THSD7A: variants seen among roughly 807,000 people sequenced by gnomAD.
THSD7A encodes the protein thrombospondin type 1 domain containing 7A, also known as thrombospondin type-1 domain-containing protein 7A.
THSD7A carries 96 observed loss-of-function variants against 231.3 expected under a neutral mutation model. The ratio of observed to expected loss-of-function variants is 0.41; its 90% confidence interval spans 0.35 to 0.49. The LOEUF (loss-of-function observed/expected upper bound fraction) is 0.49. Among genes scored for constraint, THSD7A ranks in the 20% least tolerant of loss-of-function variants. The probability of loss-of-function intolerance (pLI) is 0.05; values close to 1 mark genes in which losing one functional copy is unlikely to be tolerated. For synonymous variants in THSD7A, 940 were observed against 743.3 expected (o/e 1.26, Z -4.30); for missense variants, 2,290 against 2,070.2 (o/e 1.11, Z -2.06).
intron 6 of THSD7A, among the ~76,000 whole-genome samples, chr7:11,513,416 T>C (rs1787900884): frequency 6.6e-6 from 1 of 151,910 alleles, no homozygotes; most frequent in African/African-American, 2.4e-5. Context: ...CATCAACAAA[T>C]GAATGAATAA....
chr7:11,544,265 C>T (rs773824716), intron 4 of THSD7A, among the ~76,000 whole-genome samples: 1 of 152,114 alleles, frequency 6.6e-6, no homozygotes, highest in Non-Finnish European at 1.5e-5. Context: ...TCACTTGAAC[C>T]TGGGAGGCAG....
intron 1 of THSD7A, among the ~76,000 whole-genome samples, chr7:11,788,952 C>T (rs1393331093): frequency 1.3e-5 from 2 of 151,736 alleles, no homozygotes; most frequent in Admixed American, 6.6e-5. Flanking sequence ...CAAGCAGTTA[C>T]ATAAACAAGT....
intron 6 of THSD7A, among the ~76,000 whole-genome samples, chr7:11,493,895 T>A (rs1052171724): frequency 3.3e-5 from 5 of 151,992 alleles, no homozygotes; most frequent in Non-Finnish European, 7.4e-5. Context: ...TAAGGTATTT[T>A]GACGAGTGTT....
chr7:11,602,729 G>A (rs1166503492), intron 2 of THSD7A, among the ~76,000 whole-genome samples: 1 of 151,714 alleles, frequency 6.6e-6, no homozygotes, highest in Non-Finnish European at 1.5e-5. Flanking sequence ...ACCTCCTGTG[G>A]GTGATAATGC....
rs536177295 is a variant in THSD7A, at chr7:11,831,843, A to AGCAGCGGCAGCGGCAGCGGCAGCG, written c.80_103dup (p.Pro27_Leu34dup). 11 of 1,359,986 alleles carry AGCAGCGGCAGCGGCAGCGGCAGCG rather than the reference A, an allele frequency of 8.1e-6. 1 individual carries two copies. In the East Asian group the frequency reaches 2.9e-4, roughly 36 times the overall value. 84.2% of individuals were successfully genotyped at this position (1,359,986 alleles called of 1,614,324 possible). On this transcript the variant is annotated inframe_insertion, in exon 1 of 28. Coordinates refer to ENST00000423059, the MANE Select transcript of THSD7A (RefSeq NM_015204.3). This position sits in a 1 kb window ranked among gnomAD's most constrained non-coding sequence, Gnocchi z 5.0. ...GCCCGGGCGTAGCAGCAGCAGCAGG[A>AGCAGCGGCAGCGGCAGCGGCAGCG]GCAGCGGCAGCGGCAGCGGCAGCGG...
chr7:11,523,871 T>C (rs1401912692), intron 6 of THSD7A, among the ~76,000 whole-genome samples: 3 of 152,168 alleles, frequency 2.0e-5, no homozygotes, highest in Non-Finnish European at 4.4e-5. Context: ...TTAGTACATA[T>C]TGTACACAAT....
At position 11,706,630 on chromosome 7, in the gene THSD7A, C is replaced by CTTT. The variant is rs66964252; in HGVS notation, c.191-69672_191-69670dup. ...ATTGACTAAAAATTTTAACAAGGTG[C>CTTT]TTTTTTTTTTTTTTTTTTTTTTTTT... On this transcript the variant is annotated intron_variant, in intron 1 of 27. Coordinates refer to ENST00000423059, the MANE Select transcript of THSD7A (RefSeq NM_015204.3). 8.6e-3 allele frequency among the ~76,000 whole-genome samples: 574 copies of CTTT among 66,368 alleles called. 29 individuals carry two copies. Among genetic ancestry groups the CTTT allele is most frequent in the African/African-American group, 0.033 (525 of 16,096 alleles). 43.5% of individuals were successfully genotyped at this position (66,368 alleles called of 152,430 possible).
At chr7:11,771,592 C>T (rs1411634193) in intron 1 of THSD7A, among the ~76,000 whole-genome samples, 1 of 151,870 alleles carries the variant, frequency 6.6e-6, no homozygotes, top group African/African-American at 2.4e-5. Flanking sequence ...TATATACATA[C>T]CAGGTTTTTT....
intron 1 of THSD7A, among the ~76,000 whole-genome samples, chr7:11,771,170 C>G (rs1014636183): frequency 6.6e-6 from 1 of 150,710 alleles, no homozygotes; most frequent in African/African-American, 2.4e-5. Flanking sequence ...AATAAAGAAT[C>G]CCATAGATAT....
chr7:11,820,437 T>C (rs1450094706), intron 1 of THSD7A: 2 of 1,321,894 alleles, frequency 1.5e-6, no homozygotes, highest in African/African-American at 3.0e-5. Context: ...GGCTGGTGCT[T>C]GATTTCCAGA....
rs192261121 is a variant in THSD7A, at chr7:11,404,904, A to C, written c.4237+1396T>G. Among the ~76,000 whole-genome samples the C allele has an allele frequency of 3.3e-5, 5 of 152,290 alleles. No homozygotes were observed. The East Asian group carries it at 7.7e-4, about 23-fold the overall frequency. ...GATCTCTAGAACTTATTCACCTTGC[A>C]TAGCTGAACCTTTACACTCATTGAG... is the stretch of plus-strand genomic sequence containing the variant. On this transcript the variant is annotated intron_variant, in intron 22 of 27. Coordinates refer to ENST00000423059, the MANE Select transcript of THSD7A (RefSeq NM_015204.3).
At chr7:11,430,697 C>T (rs1784454862) in intron 13 of THSD7A, among the ~76,000 whole-genome samples, 1 of 152,088 alleles carries the variant, frequency 6.6e-6, no homozygotes, top group South Asian at 2.1e-4. Context: ...TGGTCTGGAA[C>T]TTCTGGCCTC....
At position 11,539,799 on chromosome 7, in the gene THSD7A, G is replaced by A. The variant is rs550759022; in HGVS notation, c.1822+1620C>T. Among the ~76,000 whole-genome samples the A allele has an allele frequency of 5.7e-4, 87 of 152,308 alleles. 3 individuals carry two copies. In the South Asian group the frequency reaches 0.017, roughly 30 times the overall value. On this transcript the variant is annotated intron_variant, in intron 6 of 27. Transcript: ENST00000423059. ...TTTTTCATTGCATAACACTGAGGCAGAAGTGCCATGCAAAGTTAACTTTTT... is the reference window on the plus strand; with the variant it reads ...TTTTTCATTGCATAACACTGAGGCAAAAGTGCCATGCAAAGTTAACTTTTT...
rs546982388 is a variant in THSD7A, at chr7:11,717,757, A to G, written c.191-80796T>C. On this transcript the variant is annotated intron_variant, in intron 1 of 27. Transcript: ENST00000423059. ...TGATTCTTGTCTCTTGCTTGGTTCCAAACTAAGAAGTAGATATGAAGTATT... is the reference window on the plus strand; with the variant it reads ...TGATTCTTGTCTCTTGCTTGGTTCCGAACTAAGAAGTAGATATGAAGTATT... Among the ~76,000 whole-genome samples the G allele has an allele frequency of 2.6e-5, 4 of 151,766 alleles. No individual in the cohort carries two copies. The South Asian group carries it at 8.3e-4, about 31-fold the overall frequency.
At chr7:11,825,755 A>G (rs1425588761) in intron 1 of THSD7A, among the ~76,000 whole-genome samples, 4 of 152,216 alleles carry the variant, frequency 2.6e-5, no homozygotes, top group African/African-American at 9.6e-5. Context: ...TTTAGGAAAC[A>G]TGAATAGAGT....
chr7:11,651,296 A>ATC (rs1782491846), intron 1 of THSD7A, among the ~76,000 whole-genome samples: 1 of 152,006 alleles, frequency 6.6e-6, no homozygotes, highest in African/African-American at 2.4e-5. Flanking sequence ...AGGATATGGG[A>ATC]AAGTATTGGT....
At position 11,386,593 on chromosome 7, in the gene THSD7A, G is replaced by A. The variant is rs188467082; in HGVS notation, c.4412-3977C>T. Among the ~76,000 whole-genome samples, 4 of 152,188 alleles carry A rather than the reference G, an allele frequency of 2.6e-5. No individual in the cohort carries two copies. The East Asian group carries it at 7.7e-4, about 29-fold the overall frequency. On this transcript the variant is annotated intron_variant, in intron 23 of 27. Coordinates refer to ENST00000423059, the MANE Select transcript of THSD7A (RefSeq NM_015204.3). The stretch of plus-strand genomic sequence containing the variant: ...TCTTGCAAATTTGTTTAAGTTCTTT[G>A]TAGATTCTGGATATTAGCCCTTTGT...
chr7:11,468,048 A>T (rs1206534342), intron 9 of THSD7A, among the ~76,000 whole-genome samples: 1 of 152,112 alleles, frequency 6.6e-6, no homozygotes, highest in Non-Finnish European at 1.5e-5. Context: ...AGTAATTTAC[A>T]CAATACAAGA....
chr7:11,488,193 A>G lies in THSD7A; in HGVS notation c.1823-6211T>C, dbSNP rs188411589. ...TACAAAATCCGGAGTAACTCCGATA[A>G]TTATTACTGAGTTTTTGATATGTTT... On this transcript the variant is annotated intron_variant, in intron 6 of 27. Coordinates refer to ENST00000423059, the MANE Select transcript of THSD7A (RefSeq NM_015204.3). Among the ~76,000 whole-genome samples the G allele has an allele frequency of 3.2e-4, 49 of 152,266 alleles. 1 individual carries two copies. In the East Asian group the frequency reaches 9.1e-3, roughly 28 times the overall value.
Sources: gnomAD v4.1 joint callset for allele counts (sites outside exome capture counted in the v4.1 genomes callset) on GRCh38, gnomAD v4.1.1 for gene constraint, Gnocchi (gnomAD v3.1) non-coding constraint, MANE v1.5 for transcripts, NCBI Gene and HGNC (gene_info 2026-07-23, HGNC 2026-07-21) for gene names.